The following ZBTB20 variants were observed in gnomAD, a reference collection of about 807,000 sequenced individuals.
ZBTB20 encodes zinc finger and BTB domain containing 20.
A neutral mutation model predicts 56.9 loss-of-function variants in ZBTB20; 9 were observed. The ratio of observed to expected loss-of-function variants is 0.16; its 90% CI spans 0.10 to 0.28. ZBTB20 has a LOEUF of 0.28. Ranked by LOEUF, ZBTB20 falls within the 10% of genes least tolerant of loss-of-function variation. The pLI is 1.00. For synonymous variants in ZBTB20, 417 were observed against 420.7 expected (o/e 0.99, Z 0.11); for missense variants, 655 against 1,003.0 (o/e 0.65, Z 4.69).
At chr3:115,021,384 G>C (rs1265217885) in intron 2 of ZBTB20, among the ~76,000 whole-genome samples, 1 of 150,728 alleles carries the variant, frequency 6.6e-6, no homozygotes, top group Non-Finnish European at 1.5e-5. Context: ...GGGGTAGTAT[G>C]TATATTTCCA....
At chr3:114,698,496 G>C (rs10934276) in intron 5 of ZBTB20, among the ~76,000 whole-genome samples, 2 of 151,952 alleles carry the variant, frequency 1.3e-5, no homozygotes, top group African/African-American at 4.8e-5. Flanking sequence ...TTCCCAAAGC[G>C]TGGACCAGAA....
At chr3:114,910,864 C>A (rs2075507498) in intron 3 of ZBTB20, among the ~76,000 whole-genome samples, 1 of 151,902 alleles carries the variant, frequency 6.6e-6, no homozygotes, top group Non-Finnish European at 1.5e-5. Context: ...AACACTTCAC[C>A]CAATTTTAAA....
intron 6 of ZBTB20, among the ~76,000 whole-genome samples, chr3:114,550,280 T>C (rs1577476027): frequency 6.6e-6 from 1 of 152,162 alleles, no homozygotes; most frequent in African/African-American, 2.4e-5. Flanking sequence ...TCAAATTCCA[T>C]CTCATTTTTC....
At chr3:114,969,649 G>A (rs1404993806) in intron 3 of ZBTB20, among the ~76,000 whole-genome samples, 2 of 152,032 alleles carry the variant, frequency 1.3e-5, no homozygotes, top group Non-Finnish European at 2.9e-5. Flanking sequence ...CCATTACTAT[G>A]GCAAATACTC....
At chr3:114,711,808 A>G (rs2064104632) in intron 5 of ZBTB20, among the ~76,000 whole-genome samples, 1 of 152,222 alleles carries the variant, frequency 6.6e-6, no homozygotes, top group African/African-American at 2.4e-5. Context: ...TAGAGCTTCA[A>G]TAAATGTTTA....
In ZBTB20 at chr3:114,380,861, C is replaced by A; in HGVS notation, c.-74G>T. On this transcript the variant is annotated 5_prime_UTR_variant, in exon 9 of 12. Transcript: ENST00000675478. ...TGGACTGGGAGTCAGGAGACTTGAG[C>A]TACCGTACTAGCTGTGCCTCTAACT... The A allele has an allele frequency of 7.3e-7, 1 of 1,366,424 alleles. No homozygotes were observed. The highest frequency in any genetic ancestry group is 2.7e-5 in the East Asian group (1 of 37,714). 84.6% of individuals were successfully genotyped at this position (1,366,424 alleles called of 1,614,324 possible).
At chr3:114,999,140 GA>G (rs2079146431) in intron 2 of ZBTB20, among the ~76,000 whole-genome samples, 1 of 142,640 alleles carries the variant, frequency 7.0e-6, no homozygotes, top group African/African-American at 2.6e-5. Flanking sequence ...GAGGAAGGGG[GA>G]AAGGGAGAGG....
chr3:114,934,401 T>A (rs2076462051), intron 3 of ZBTB20, among the ~76,000 whole-genome samples: 1 of 152,176 alleles, frequency 6.6e-6, no homozygotes, highest in Admixed American at 6.5e-5. Context: ...TTTTCTGATA[T>A]CCTTTTCCTC....
At chr3:114,437,608 AG>A (rs1317173898) in intron 7 of ZBTB20, among the ~76,000 whole-genome samples, 1 of 152,172 alleles carries the variant, frequency 6.6e-6, no homozygotes, top group African/African-American at 2.4e-5. Flanking sequence ...TATTAGTAAT[AG>A]GAAGTATTTT....
intron 6 of ZBTB20, among the ~76,000 whole-genome samples, chr3:114,628,438 G>A (rs986924513): frequency 1.3e-5 from 2 of 151,900 alleles, no homozygotes; most frequent in Admixed American, 6.6e-5. Context: ...TTCATAATAA[G>A]AGTCTCCACA....
intron 6 of ZBTB20, among the ~76,000 whole-genome samples, chr3:114,530,251 TA>T (rs1264637061): frequency 6.6e-6 from 1 of 152,208 alleles, no homozygotes; most frequent in Non-Finnish European, 1.5e-5. Context: ...AAGTGCCCTA[TA>T]AAGGCATACA....
chr3:115,017,879 CTAAA>C (rs1318313507), intron 2 of ZBTB20, among the ~76,000 whole-genome samples: 2 of 151,460 alleles, frequency 1.3e-5, no homozygotes, highest in Non-Finnish European at 3.0e-5. Context: ...TATGCACATA[CTAAA>C]TAATCACACA....
chr3:114,867,946 T>C (rs980440706), intron 4 of ZBTB20, among the ~76,000 whole-genome samples: 1 of 152,182 alleles, frequency 6.6e-6, no homozygotes, highest in African/African-American at 2.4e-5. Flanking sequence ...ACACCCTCTC[T>C]GTCAAATCTC....
At chr3:114,456,463 T>C (rs986052572) in intron 7 of ZBTB20, among the ~76,000 whole-genome samples, 1 of 152,160 alleles carries the variant, frequency 6.6e-6, no homozygotes, top group South Asian at 2.1e-4. Flanking sequence ...GTTTTTCTCA[T>C]ACACCTCGTT....
intron 10 of ZBTB20, among the ~76,000 whole-genome samples, chr3:114,355,703 G>T (rs1296040020): frequency 6.6e-6 from 1 of 152,162 alleles, no homozygotes; most frequent in African/African-American, 2.4e-5. Context: ...TACTGTAGAA[G>T]ATTTGTCCCC....
chr3:114,893,008 C>T (rs902502307), intron 4 of ZBTB20, among the ~76,000 whole-genome samples: 2 of 152,200 alleles, frequency 1.3e-5, no homozygotes, highest in African/African-American at 4.8e-5. Context: ...CTTGAAACAG[C>T]CCAATTTTGT....
At chr3:114,557,251 A>G (rs1229936142) in intron 6 of ZBTB20, among the ~76,000 whole-genome samples, 1 of 151,990 alleles carries the variant, frequency 6.6e-6, no homozygotes, top group Non-Finnish European at 1.5e-5. Flanking sequence ...GATAATTTAT[A>G]TTCTTTTCCC....
At chr3:115,093,722 C>G (rs576448953) in intron 1 of ZBTB20, among the ~76,000 whole-genome samples, 1 of 152,214 alleles carries the variant, frequency 6.6e-6, no homozygotes, top group East Asian at 1.9e-4. Context: ...TAAAAATCTG[C>G]TCACAACTCC....
chr3:114,691,579 T>G (rs1326289176), intron 6 of ZBTB20, among the ~76,000 whole-genome samples: 1 of 152,042 alleles, frequency 6.6e-6, no homozygotes, highest in Non-Finnish European at 1.5e-5. Context: ...ATTGGGCATT[T>G]AGGTTAAATG....
Sources: allele counts gnomAD v4.1 joint callset (sites outside exome capture counted in the v4.1 genomes callset), GRCh38; gene constraint gnomAD v4.1.1; transcripts MANE v1.5; gene names NCBI Gene and HGNC (gene_info 2026-07-23, HGNC 2026-07-21).